Variants in PHEX observed in about 807,000 individuals in gnomAD.
The protein encoded by PHEX is phosphate-regulating neutral endopeptidase PHEX.
PHEX carries 16 observed loss-of-function variants against 68.0 expected under a neutral mutation model. The ratio of observed to expected loss-of-function variants is 0.24; its 90% CI spans 0.16 to 0.36. The LOEUF is 0.36. Among genes scored for constraint, PHEX ranks in the 10% least tolerant of loss-of-function variants. The probability of loss-of-function intolerance (pLI) is 1.00; values close to 1 mark genes in which losing one functional copy is unlikely to be tolerated. For missense variants in PHEX, 480 were observed against 575.5 expected (o/e 0.83, Z 1.70); for synonymous variants, 208 against 205.1 (o/e 1.01, Z -0.12).
intron 8 of PHEX, 32 bp from the exon 9 acceptor site, chrX:22,098,974 C>G (rs1930289015): frequency 8.4e-7 from 1 of 1,196,069 alleles, no homozygotes; most frequent in Non-Finnish European, 1.1e-6. Context: ...AACCGAGATT[C>G]TCTCATTCTG....
intron 12 of PHEX, among the ~76,000 whole-genome samples, chrX:22,138,412 C>A (rs1463697570): frequency 1.8e-5 from 2 of 112,505 alleles, no homozygotes; most frequent in East Asian, 5.6e-4. Flanking sequence ...AACAGGAGGC[C>A]ATGGATGCAG....
intron 11 of PHEX, among the ~76,000 whole-genome samples, chrX:22,132,347 A>G (rs1389232810): frequency 9.0e-6 from 1 of 110,925 alleles, no homozygotes; most frequent in East Asian, 2.8e-4. Context: ...GCCTCAAGCA[A>G]TCCTCCTGCT....
chrX:22,129,095 C>G (rs1417545023), intron 11 of PHEX, among the ~76,000 whole-genome samples: 1 of 110,969 alleles, frequency 9.0e-6, no homozygotes, highest in Non-Finnish European at 1.9e-5. Context: ...CATGCATGTA[C>G]TTCCTATGAT....
intron 20 of PHEX, among the ~76,000 whole-genome samples, chrX:22,240,626 CTT>C (rs1431989209): frequency 7.7e-4 from 78 of 100,762 alleles, no homozygotes; most frequent in African/African-American, 2.9e-3. Context: ...ATAAAACAGA[CTT>C]TAATCCAACA....
intron 2 of PHEX, among the ~76,000 whole-genome samples, chrX:22,039,517 G>C (rs1927177477): frequency 8.9e-6 from 1 of 112,155 alleles, no homozygotes; most frequent in South Asian, 3.7e-4. Context: ...CTAAATAAAT[G>C]CCAGGGCGGC....
chrX:22,039,541 G>A (rs1424573409), intron 2 of PHEX, among the ~76,000 whole-genome samples: 2 of 112,179 alleles, frequency 1.8e-5, no homozygotes, highest in African/African-American at 3.2e-5. Flanking sequence ...TCAGTCCAAA[G>A]CATTTATTAG....
At chrX:22,232,527 C>CTTCT (rs996643116) in intron 20 of PHEX, among the ~76,000 whole-genome samples, 2 of 95,723 alleles carry the variant, frequency 2.1e-5, no homozygotes, top group African/African-American at 3.9e-5. Context: ...ATGTAATGCT[C>CTTCT]TTCTTTGTCT....
intron 14 of PHEX, among the ~76,000 whole-genome samples, chrX:22,182,242 T>A (rs1933903286): frequency 8.9e-6 from 1 of 111,753 alleles, no homozygotes; most frequent in South Asian, 3.7e-4. Flanking sequence ...TTTAGGTATA[T>A]TCCTTCTATA....
intron 1 of PHEX, among the ~76,000 whole-genome samples, chrX:22,037,021 C>T (rs5904606): frequency 0.21 from 22,260 of 104,748 alleles, 2,131 homozygotes; most frequent in African/African-American, 0.31. Flanking sequence ...ATGGCGTGAA[C>T]CCGGGAGGCA....
At chrX:22,211,397 C>T (rs887809771) in intron 15 of PHEX, among the ~76,000 whole-genome samples, 2 of 111,801 alleles carry the variant, frequency 1.8e-5, no homozygotes, top group East Asian at 2.8e-4. Context: ...AAATTAAAGA[C>T]GTAAGTCATT....
chrX:22,115,836 G>C (rs1310673008), intron 11 of PHEX, among the ~76,000 whole-genome samples: 1 of 112,241 alleles, frequency 8.9e-6, no homozygotes. Flanking sequence ...ACACATCGCA[G>C]TTTCCTTATG....
intron 14 of PHEX, 31 bp downstream of exon 14, chrX:22,178,407 T>TA (rs1355434033): frequency 1.2e-6 from 1 of 866,537 alleles, no homozygotes; most frequent in South Asian, 2.0e-5. Flanking sequence ...GTTAAATAGA[T>TA]AAATACATTG....
At chrX:22,075,953 G>A (rs1006430312) in intron 3 of PHEX, among the ~76,000 whole-genome samples, 1 of 112,196 alleles carries the variant, frequency 8.9e-6, no homozygotes, top group Non-Finnish European at 1.9e-5. Context: ...CTCCTTGAGA[G>A]GCTGGGCTGT....
intron 11 of PHEX, among the ~76,000 whole-genome samples, chrX:22,121,279 G>C (rs1247266904): frequency 2.7e-5 from 3 of 112,124 alleles, no homozygotes; most frequent in East Asian, 2.8e-4. Flanking sequence ...AGGAGAATGA[G>C]GGGGTCAGTG....
chrX:22,063,270 T>TA (rs746912081), intron 3 of PHEX, among the ~76,000 whole-genome samples: 210 of 112,698 alleles, frequency 1.9e-3, no homozygotes, highest in Non-Finnish European at 3.6e-3. Context: ...TCTCTCCATT[T>TA]ACATTTCCCA....
At chrX:22,052,065 C>T (rs1927859055) in intron 3 of PHEX, among the ~76,000 whole-genome samples, 1 of 111,567 alleles carries the variant, frequency 9.0e-6, no homozygotes, top group Non-Finnish European at 1.9e-5. Context: ...ATTCATTTAT[C>T]ATTCTATCCA....
intron 15 of PHEX, among the ~76,000 whole-genome samples, chrX:22,200,207 C>A (rs1934503162): frequency 8.9e-6 from 1 of 112,375 alleles, no homozygotes. Flanking sequence ...CAAAAGACTG[C>A]AAAACTAGCA....
At chrX:22,136,328 G>C (rs1343655095) in intron 12 of PHEX, among the ~76,000 whole-genome samples, 3 of 111,868 alleles carry the variant, frequency 2.7e-5, no homozygotes, top group Non-Finnish European at 3.8e-5. Flanking sequence ...TTCTGATACT[G>C]AGTAGCCCCT....
At chrX:22,203,207 G>A (rs937720306) in intron 15 of PHEX, among the ~76,000 whole-genome samples, 1 of 110,946 alleles carries the variant, frequency 9.0e-6, no homozygotes, top group Non-Finnish European at 1.9e-5. Flanking sequence ...AGGGTGGCAG[G>A]GGTGAAGGGA....
Sources: gnomAD v4.1 joint callset for allele counts (sites outside exome capture counted in the v4.1 genomes callset) on GRCh38, gnomAD v4.1.1 for gene constraint, MANE v1.5 for transcripts, NCBI Gene and HGNC (gene_info 2026-07-23, HGNC 2026-07-21) for gene names.